Variants in WWC1 observed in about 807,000 individuals in gnomAD.
WWC1 encodes the protein WW and C2 domain containing 1.
Under a neutral mutation model 138.4 loss-of-function variants are expected in WWC1, and 55 were observed. The ratio of observed to expected loss-of-function variants is 0.40; its 90% CI spans 0.32 to 0.50. WWC1 has a LOEUF of 0.50. Among genes scored for constraint, WWC1 ranks in the 20% least tolerant of loss-of-function variants. The probability of loss-of-function intolerance (pLI) is 0.72; values close to 1 mark genes in which losing one functional copy is unlikely to be tolerated. For synonymous variants in WWC1, 524 were observed against 564.9 expected, an observed-to-expected ratio of 0.93 and a Z score of 1.03; for missense variants, 1,226 against 1,420.4, an observed-to-expected ratio of 0.86 and a Z score of 2.20.
At position 168,327,157 on chromosome 5, in the gene WWC1, C is replaced by T. The variant is rs778947248; in HGVS notation, c.119+34886C>T. Among the ~76,000 whole-genome samples, 8 of 152,194 alleles carry T rather than the reference C, an allele frequency of 5.3e-5. 1 individual carries two copies. Among genetic ancestry groups the T allele is most frequent in the African/African-American group, 1.7e-4 (7 of 41,446 alleles). ...AGGGCTTTCCAGAGCAAATTACTCT[C>T]CTTCTCAGAAATTGCTCATGGTTCT... On this transcript the variant is annotated intron_variant, in intron 1 of 22. Coordinates refer to ENST00000265293, the MANE Select transcript of WWC1 (RefSeq NM_015238.3).
At chr5:168,460,411 G>A (rs913556641) in intron 19 of WWC1, among the ~76,000 whole-genome samples, 2 of 152,218 alleles carry the variant, frequency 1.3e-5, no homozygotes, top group African/African-American at 2.4e-5. Context: ...TGGGATATTC[G>A]TGGCATTTAG....
At chr5:168,362,170 A>AT (rs1775929119) in intron 1 of WWC1, among the ~76,000 whole-genome samples, 1 of 152,232 alleles carries the variant, frequency 6.6e-6, no homozygotes, top group Non-Finnish European at 1.5e-5. Flanking sequence ...TTCATGCATT[A>AT]TCTCATGTAA....
At chr5:168,339,073 T>A (rs1304022048) in intron 1 of WWC1, among the ~76,000 whole-genome samples, 1 of 152,218 alleles carries the variant, frequency 6.6e-6, no homozygotes, top group Non-Finnish European at 1.5e-5. Context: ...CATCACTGTG[T>A]ATTCTAAAAA....
intron 1 of WWC1, among the ~76,000 whole-genome samples, chr5:168,303,644 T>TAAGGGGATTCCAGAAGACCG: frequency 6.6e-6 from 1 of 152,180 alleles, no homozygotes; most frequent in African/African-American, 2.4e-5. Flanking sequence ...GCAGCCAATC[T>TAAGGGGATTCCAGAAGACCG]AAGGGGATTC....
chr5:168,438,018 G>A (rs967808243), intron 15 of WWC1, among the ~76,000 whole-genome samples: 5 of 152,086 alleles, frequency 3.3e-5, no homozygotes, highest in African/African-American at 4.8e-5. Flanking sequence ...ATTTATTCTG[G>A]GTGTCTGAAG....
At chr5:168,445,378 G>A (rs1472887375) in intron 17 of WWC1, among the ~76,000 whole-genome samples, 1 of 151,058 alleles carries the variant, frequency 6.6e-6, no homozygotes, top group Non-Finnish European at 1.5e-5. Flanking sequence ...TGAACCCACA[G>A]TGAAACCTCA....
chr5:168,370,899 A>C (rs1439774812), intron 1 of WWC1, among the ~76,000 whole-genome samples: 1 of 152,216 alleles, frequency 6.6e-6, no homozygotes, highest in Non-Finnish European at 1.5e-5. Flanking sequence ...AATACTGCTC[A>C]TTGGCCAAAC....
At chr5:168,420,315 C>T (rs1780989883) in intron 9 of WWC1, among the ~76,000 whole-genome samples, 1 of 152,092 alleles carries the variant, frequency 6.6e-6, no homozygotes, top group Non-Finnish European at 1.5e-5. Flanking sequence ...GTGGCCTCCT[C>T]CTCCCTCCGT....
intron 9 of WWC1, among the ~76,000 whole-genome samples, chr5:168,416,889 A>G (rs1442039519): frequency 6.6e-6 from 1 of 152,082 alleles, no homozygotes; most frequent in South Asian, 2.1e-4. Context: ...TTTTTTCGAG[A>G]TGGAGTCTTG....
intron 1 of WWC1, among the ~76,000 whole-genome samples, chr5:168,333,192 A>G (rs1247167349): frequency 1.3e-5 from 2 of 152,214 alleles, no homozygotes; most frequent in Non-Finnish European, 2.9e-5. Flanking sequence ...CATGAAGCTC[A>G]CAGGGGTTTC....
chr5:168,380,386 C>T lies in WWC1; in HGVS notation c.230-4825C>T, dbSNP rs186034861. Among the ~76,000 whole-genome samples the T allele has an allele frequency of 7.9e-5, 12 of 152,238 alleles. No individual in the cohort carries two copies. In the East Asian group the frequency reaches 1.9e-3, roughly 24 times the overall value. On this transcript the variant is annotated intron_variant, in intron 2 of 22. Transcript: ENST00000265293. ...ACTTGGGAGCCTGAGGCTGGAGGAT[C>T]ACTTTAGCCCAGGAGTTGAAGACCA... is the stretch of plus-strand genomic sequence containing the variant.
At chr5:168,337,386 T>TC (rs1490468328) in intron 1 of WWC1, among the ~76,000 whole-genome samples, 2 of 151,876 alleles carry the variant, frequency 1.3e-5, no homozygotes, top group East Asian at 1.9e-4. Context: ...CCTACACCCC[T>TC]CCCCCCAGAA....
intron 4 of WWC1, 93 bp from the exon 5 acceptor site, chr5:168,399,395 G>A (rs1779144764): frequency 3.0e-6 from 4 of 1,339,624 alleles, no homozygotes; most frequent in Admixed American, 3.7e-5. Context: ...CAGGCGCAGT[G>A]GGAGGCTCTG....
At chr5:168,437,753 TTAATAA>T (rs1381184979) in intron 15 of WWC1, among the ~76,000 whole-genome samples, 1 of 152,172 alleles carries the variant, frequency 6.6e-6, no homozygotes, top group Non-Finnish European at 1.5e-5. Flanking sequence ...CTTGTTAGAA[TTAATAA>T]TAATCTGCTG....
At chr5:168,465,821 G>GGC (rs1757249476) in intron 21 of WWC1, among the ~76,000 whole-genome samples, 1 of 152,140 alleles carries the variant, frequency 6.6e-6, no homozygotes, top group Non-Finnish European at 1.5e-5. Context: ...GCCTCCCAAA[G>GGC]TGTTGCGATT....
chr5:168,376,207 T>C (rs1436962756), intron 2 of WWC1, among the ~76,000 whole-genome samples: 1 of 151,972 alleles, frequency 6.6e-6, no homozygotes, highest in African/African-American at 2.4e-5. Context: ...GCATGTGCCA[T>C]CATGCCTAGC....
chr5:168,458,765 C>T (rs1395368811), intron 19 of WWC1, among the ~76,000 whole-genome samples: 1 of 152,174 alleles, frequency 6.6e-6, no homozygotes, highest in Non-Finnish European at 1.5e-5. Flanking sequence ...TCTACCATGT[C>T]TGAGATTAAA....
At chr5:168,363,768 C>G (rs1180676165) in intron 1 of WWC1, among the ~76,000 whole-genome samples, 2 of 152,020 alleles carry the variant, frequency 1.3e-5, no homozygotes, top group Admixed American at 1.3e-4. Context: ...TTGAGCACCC[C>G]CATCTTATGG....
intron 11 of WWC1, among the ~76,000 whole-genome samples, chr5:168,424,332 A>C (rs1781348735): frequency 6.6e-6 from 1 of 152,202 alleles, no homozygotes. Flanking sequence ...ATCCTGTGCT[A>C]ATGGATATAC....
Sources: gnomAD v4.1 joint callset for allele counts (sites outside exome capture counted in the v4.1 genomes callset) on GRCh38, gnomAD v4.1.1 for gene constraint, MANE v1.5 for transcripts, NCBI Gene and HGNC (gene_info 2026-07-23, HGNC 2026-07-21) for gene names.